The following PRPF6 variants were observed in gnomAD, a reference collection of about 807,000 sequenced individuals.
PRPF6 encodes the protein pre-mRNA-processing factor 6.
Under a neutral mutation model 118.3 loss-of-function variants are expected in PRPF6, and 42 were observed. The ratio of observed to expected loss-of-function variants is 0.35; its 90% CI spans 0.28 to 0.46. The LOEUF (loss-of-function observed/expected upper bound fraction) is 0.46. Among genes scored for constraint, PRPF6 ranks in the 20% least tolerant of loss-of-function variants. The probability of loss-of-function intolerance (pLI) is 1.00; values close to 1 mark genes in which losing one functional copy is unlikely to be tolerated. For synonymous variants in PRPF6, 481 were observed against 485.1 expected (o/e 0.99, Z 0.11); for missense variants, 662 against 1,255.7 (o/e 0.53, Z 7.15).
chr20:63,983,029 C>G lies in PRPF6; in HGVS notation c.72-18C>G. On this transcript the variant is annotated intron_variant, in intron 1 of 20. Transcript: ENST00000266079. ...ACAGAGTTATTCAGACACCCGGTGT[C>G]TTGGGGGTCTCCTGCAGCGCCACTG... The G allele has an allele frequency of 6.2e-7, 1 of 1,613,376 alleles. No homozygotes were observed. Among genetic ancestry groups the G allele is most frequent in the Non-Finnish European group, 8.5e-7 (1 of 1,179,748 alleles).
At chr20:63,981,873 G>A (rs893713141) in intron 1 of PRPF6, among the ~76,000 whole-genome samples, 2 of 152,066 alleles carry the variant, frequency 1.3e-5, no homozygotes, top group African/African-American at 4.8e-5. Context: ...CCATAAATAA[G>A]TACGTAAAGA....
In PRPF6 at chr20:64,029,628, C is replaced by T; in HGVS notation, c.2546+137C>T. On this transcript the variant is annotated intron_variant, in intron 19 of 20. Coordinates refer to ENST00000266079, the MANE Select transcript of PRPF6 (RefSeq NM_012469.4). This position sits in a 1 kb window ranked among gnomAD's most constrained non-coding sequence, Gnocchi z 4.8. ...CTTCCCCGATCCTCGGCTGCCGTCG[C>T]TCCTGCTGTGGTCTGGGGCAGGCGC... 6.4e-6 allele frequency: 5 copies of T among 778,854 alleles called. No homozygotes were observed. The highest frequency in any genetic ancestry group is 1.1e-5 in the Non-Finnish European group (5 of 465,984). 48.2% of individuals were successfully genotyped at this position (778,854 alleles called of 1,614,324 possible).
intron 4 of PRPF6, among the ~76,000 whole-genome samples, chr20:63,994,318 C>T (rs377329057): frequency 2.6e-5 from 4 of 152,010 alleles, no homozygotes; most frequent in Admixed American, 6.6e-5. Flanking sequence ...CCACCATGCC[C>T]GGCTAATTTT....
intron 19 of PRPF6, among the ~76,000 whole-genome samples, chr20:64,030,858 C>T (rs1374395309): frequency 3.3e-5 from 5 of 152,176 alleles, no homozygotes; most frequent in African/African-American, 7.2e-5. Flanking sequence ...GAGACGAACC[C>T]GAACAGCTGC....
intron 12 of PRPF6, among the ~76,000 whole-genome samples, chr20:64,020,343 G>A (rs530491702): frequency 1.3e-5 from 2 of 152,298 alleles, no homozygotes; most frequent in South Asian, 4.1e-4. Flanking sequence ...TTGAACCTGG[G>A]AGGTGGAGGT....
intron 9 of PRPF6, among the ~76,000 whole-genome samples, chr20:64,008,248 C>T (rs2059199298): frequency 6.6e-6 from 1 of 152,136 alleles, no homozygotes; most frequent in African/African-American, 2.4e-5. Context: ...TGTCTTCTCT[C>T]GGTTTGTTGA....
intron 2 of PRPF6, 76 bp downstream of exon 2, chr20:63,983,291 T>C: frequency 6.3e-7 from 1 of 1,578,364 alleles, no homozygotes; most frequent in Non-Finnish European, 8.7e-7. Flanking sequence ...TGTGTTGGTG[T>C]CTGTAATGAA....
chr20:64,020,711 G>C (rs816926), intron 12 of PRPF6, among the ~76,000 whole-genome samples: 38,383 of 151,208 alleles, frequency 0.25, 6,037 homozygotes, highest in African/African-American at 0.44. Flanking sequence ...GTTTTTTCCT[G>C]TTTGTATTCA....
intron 14 of PRPF6, among the ~76,000 whole-genome samples, chr20:64,025,635 C>T (rs573248616): frequency 1.3e-5 from 2 of 152,308 alleles, no homozygotes; most frequent in East Asian, 1.9e-4. Flanking sequence ...TTTGAGAGGG[C>T]GTGGGTGGAT....
At chr20:63,991,110 C>A (rs77164088) in intron 3 of PRPF6, among the ~76,000 whole-genome samples, 4,198 of 152,208 alleles carry the variant, frequency 0.028, 85 homozygotes, top group Non-Finnish European at 0.045. Context: ...TTGATTGGAA[C>A]CTCCAGGGTT....
chr20:64,016,144 CGTA>C (rs2059236911), intron 11 of PRPF6, among the ~76,000 whole-genome samples: 1 of 149,650 alleles, frequency 6.7e-6, no homozygotes, highest in African/African-American at 2.5e-5. Flanking sequence ...TTTTCTGAGA[CGTA>C]GTCTTGCTCC....
At position 64,033,040 on chromosome 20, in the gene PRPF6, A is replaced by G. The variant is rs1483260336; in HGVS notation, c.*47A>G. 3.1e-6 allele frequency: 5 copies of G among 1,611,354 alleles called. No individual in the cohort carries two copies. The highest frequency in any genetic ancestry group is 2.7e-5 in the African/African-American group (2 of 74,912). The stretch of plus-strand genomic sequence containing the variant: ...TCTCCGTGGGGCAGGGTTGGGCCGC[A>G]TGTGGAAGGGCTCTGAGCTGTGTCC... On this transcript the variant is annotated 3_prime_UTR_variant, in exon 21 of 21. Coordinates refer to ENST00000266079, the MANE Select transcript of PRPF6 (RefSeq NM_012469.4).
chr20:63,991,503 T>G (rs918072805), intron 3 of PRPF6, among the ~76,000 whole-genome samples: 1 of 151,960 alleles, frequency 6.6e-6, no homozygotes. Flanking sequence ...TAAAAAGTAG[T>G]GTACTTGGCC....
chr20:64,030,785 A>C (rs534485849), intron 19 of PRPF6, among the ~76,000 whole-genome samples: 30 of 152,380 alleles, frequency 2.0e-4, no homozygotes, highest in Non-Finnish European at 3.5e-4. Context: ...GGCAATTAAG[A>C]ATACCACAAG....
At chr20:64,001,007 C>A in intron 8 of PRPF6, 70 bp from the exon 9 acceptor site, 2 of 1,538,650 alleles carry the variant, frequency 1.3e-6, no homozygotes, top group Non-Finnish European at 1.8e-6. Context: ...CTCTGGAGAT[C>A]TGTGCCTGCT....
chr20:64,029,760 C>T lies in PRPF6; in HGVS notation c.2546+269C>T, dbSNP rs1010049870. 2.7e-5 allele frequency among the ~76,000 whole-genome samples: 3 copies of T among 111,860 alleles called. No homozygotes were observed. The highest frequency in any genetic ancestry group is 1.1e-4 in the Admixed American group (1 of 8,880). The allele number at this position is 111,860 out of a possible 152,430, so 73.4% of individuals were successfully genotyped here. A position where few individuals can be genotyped will look rare whatever the true frequency, so the allele number is the denominator to read the frequency against. On this transcript the variant is annotated intron_variant, in intron 19 of 20. Coordinates refer to ENST00000266079, the MANE Select transcript of PRPF6 (RefSeq NM_012469.4). The surrounding 1 kb of genome is among the most constrained non-coding windows in gnomAD (Gnocchi z 4.8). ...CCGGGTCACAGACTCACTGGGGACG[C>T]GTGTGATTCACACTGGTGCGCTGGC...
chr20:63,983,356 T>A (rs1300974211), intron 2 of PRPF6, 141 bp downstream of exon 2: 4 of 1,065,958 alleles, frequency 3.8e-6, no homozygotes, highest in South Asian at 2.6e-5. Context: ...ACATCTTTAC[T>A]GAGAGTGAGA....
intron 1 of PRPF6, among the ~76,000 whole-genome samples, chr20:63,982,068 G>A (rs1203414066): frequency 2.6e-5 from 4 of 152,156 alleles, no homozygotes; most frequent in Non-Finnish European, 5.9e-5. Context: ...AGTGTGAGTG[G>A]AATGTACAGC....
chr20:64,026,856 A>G lies in PRPF6; in HGVS notation c.2029-126A>G. The G allele has an allele frequency of 1.0e-6, 1 of 1,000,784 alleles. No individual in the cohort carries two copies. Among genetic ancestry groups the G allele is most frequent in the South Asian group, 1.3e-5 (1 of 74,220 alleles). The allele number at this position is 1,000,784 out of a possible 1,614,324, so 62.0% of individuals were successfully genotyped here. ...TTTATCCCCACCTTTTGTGTACACA[A>G]ACAGGCTATGAAAAGCTTACAAAAG... On this transcript the variant is annotated intron_variant, in intron 15 of 20. Transcript: ENST00000266079. This position sits in a 1 kb window ranked among gnomAD's most constrained non-coding sequence, Gnocchi z 4.4.
Sources: allele counts gnomAD v4.1 joint callset (sites outside exome capture counted in the v4.1 genomes callset), GRCh38; gene constraint gnomAD v4.1.1; non-coding constraint Gnocchi (gnomAD v3.1); transcripts MANE v1.5; gene names NCBI Gene and HGNC (gene_info 2026-07-23, HGNC 2026-07-21).